GPR142: variants seen among roughly 807,000 people sequenced by gnomAD.
The protein encoded by GPR142 is G-protein coupled receptor 142 long form.
In GPR142, 9 loss-of-function variants were observed where a neutral mutation model predicts 10.6. The ratio of observed to expected loss-of-function variants is 0.85; its 90% confidence interval spans 0.51 to 1.48. The LOEUF is 1.48. Among genes scored for constraint, GPR142 ranks in the 40% most tolerant of loss-of-function variants. GPR142 has a pLI of 0.00. For missense variants in GPR142, 482 were observed against 506.0 expected (o/e 0.95, Z 0.45); for synonymous variants, 202 against 221.2 (o/e 0.91, Z 0.77).
chr17:74,372,301 A>T lies in GPR142; in HGVS notation c.826A>T (p.Thr276Ser). 3.7e-6 allele frequency: 6 copies of T among 1,613,866 alleles called. No individual in the cohort carries two copies. Among genetic ancestry groups the T allele is most frequent in the Non-Finnish European group, 5.1e-6 (6 of 1,179,810 alleles). The part of the protein sequence containing the change: ...KSTAILLGIT[T>S]LFTLLWAPRV... ...CACAGCCATCCTCCTGGGCATCACC[A>T]CACTGTTCACCCTCCTGTGGGCGCC... The change falls in exon 4 of 4, where the codon ACA becomes TCA. Residue 276 changes from threonine (T) to serine (S), a missense_variant. Physicochemically the swap from Thr to Ser is moderately conservative, Grantham distance 58 (BLOSUM62 1). Transcript: ENST00000582579.
rs1598410226 is a variant in GPR142 at position 74,370,535 on chromosome 17, G to A, written c.109G>A (p.Val37Met). ...GCACCTTCTAGCTGGCCAGCCACGA[G>A]TGACCCTGCTGCCCACGCCCCACGT... is the stretch of plus-strand genomic sequence containing the variant. ...EGRETAGQPR[V>M]TLLPTPHVSG... The change falls in exon 3 of 4, where the codon GTG becomes ATG. Residue 37 changes from valine to methionine, a missense_variant. Val to Met is a conservative substitution (Grantham distance 21). Coordinates refer to ENST00000582579, the MANE Select transcript of GPR142 (RefSeq NM_001331076.1). 1 of 1,611,862 alleles carries A rather than the reference G, an allele frequency of 6.2e-7. No homozygotes were observed. Among genetic ancestry groups the A allele is most frequent in the Non-Finnish European group, 8.5e-7 (1 of 1,178,802 alleles).
chr17:74,369,290 AC>A (rs2055005251), intron 1 of GPR142, among the ~76,000 whole-genome samples, 177 bp from the exon 2 acceptor site: 3 of 150,944 alleles, frequency 2.0e-5, no homozygotes, highest in Non-Finnish European at 4.4e-5. Flanking sequence ...ACCCCATGCC[AC>A]CCTCAGCTCG....
In GPR142 at chr17:74,369,968, G is replaced by C. The variant is rs138607603; in HGVS notation, c.94+334G>C. 5.2e-4 allele frequency among the ~76,000 whole-genome samples: 79 copies of C among 152,286 alleles called. No homozygotes were observed. In the East Asian group the frequency reaches 0.012, roughly 24 times the overall value. On this transcript the variant is annotated intron_variant, in intron 2 of 3. Coordinates refer to ENST00000582579, the MANE Select transcript of GPR142 (RefSeq NM_001331076.1). ...AAGAGGGTATCTTTAGTTTAGAAAA[G>C]AGGGGGCCCTACCAACAGCCTCTCC... is the stretch of plus-strand genomic sequence containing the variant.
chr17:74,368,014 C>T (rs1175468930), intron 1 of GPR142, among the ~76,000 whole-genome samples: 2 of 152,194 alleles, frequency 1.3e-5, no homozygotes, highest in Non-Finnish European at 2.9e-5. Flanking sequence ...GGCATGGTGA[C>T]TCACACCTGT....
chr17:74,372,596 T>G lies in GPR142; in HGVS notation c.1121T>G (p.Val374Gly), dbSNP rs766510625. ...EPPGLPTGAE[V>G] ...CCGGGACTCCCCACAGGGGCAGAAG[T>G]GTAGAGGAGGGGGCCCAGCTAGGGA... Residue 374 changes from valine (V) to glycine (G), a missense_variant, in exon 4 of 4, where the codon GTG (valine) becomes GGG (glycine). Coordinates refer to ENST00000582579, the MANE Select transcript of GPR142 (RefSeq NM_001331076.1). 36 of 1,600,430 alleles carry G rather than the reference T, an allele frequency of 2.2e-5. No homozygotes were observed. Among genetic ancestry groups the G allele is most frequent in the East Asian group, 1.3e-4 (6 of 44,804 alleles).
At position 74,372,157 on chromosome 17, in the gene GPR142, G is replaced by GCTCACTGT. The variant is rs763622234; in HGVS notation, c.693_700dup (p.Tyr234SerfsTer132). 1.2e-6 allele frequency: 2 copies of GCTCACTGT among 1,614,140 alleles called. No homozygotes were observed. The highest frequency in any genetic ancestry group is 1.7e-5 in the Admixed American group (1 of 60,022). ...AACACTGGACGAGGTCCTCAAGTGGGCTCACTGTCTCACTGTCTATTTCAT... is the reference window on the plus strand; with the variant it reads ...AACACTGGACGAGGTCCTCAAGTGGGCTCACTGTCTCACTGTCTCACTGTCTATTTCAT... On this transcript the variant is annotated frameshift_variant, in exon 4 of 4. Coordinates refer to ENST00000582579, the MANE Select transcript of GPR142 (RefSeq NM_001331076.1). LOFTEE classifies it low-confidence loss of function (END_TRUNC).
At chr17:74,370,413 T>C (rs2055014388) in intron 2 of GPR142, 108 bp from the exon 3 acceptor site, 6 of 1,194,650 alleles carry the variant, frequency 5.0e-6, no homozygotes, top group Non-Finnish European at 5.8e-6. Flanking sequence ...GACTAGAGGG[T>C]CTGCACAGAG....
rs201590290 is a variant in GPR142, at chr17:74,370,711, G to C, written c.253+32G>C. On this transcript the variant is annotated intron_variant, in intron 3 of 3. Coordinates refer to ENST00000582579, the MANE Select transcript of GPR142 (RefSeq NM_001331076.1). ...GGGGAGCTGGGGTCTGGGGACTTGG[G>C]CTTGGCCAGAAATGGGGATCCTCCT... is the stretch of plus-strand genomic sequence containing the variant. 716 of 1,589,998 alleles carry C rather than the reference G, an allele frequency of 4.5e-4. 2 individuals are homozygous for C. The highest frequency in any genetic ancestry group is 3.2e-3 in the South Asian group (279 of 88,260).
chr17:74,370,486 CAG>C, intron 2 of GPR142, 33 bp from the exon 3 acceptor site: 1 of 1,579,146 alleles, frequency 6.3e-7, no homozygotes, highest in Non-Finnish European at 8.6e-7. Flanking sequence ...AGAAATAGAC[CAG>C]AGGCTCTGAC....
chr17:74,370,227 G>T (rs1007725171), intron 2 of GPR142, among the ~76,000 whole-genome samples: 1 of 152,214 alleles, frequency 6.6e-6, no homozygotes, highest in South Asian at 2.1e-4. Context: ...CCGGGTGAGG[G>T]CCCATGGGGA....
At chr17:74,367,842 G>A (rs756269197) in intron 1 of GPR142, 48 bp downstream of exon 1, 12 of 1,493,824 alleles carry the variant, frequency 8.0e-6, no homozygotes, top group Non-Finnish European at 9.9e-6. Context: ...AGCAAACTCA[G>A]TCCCCCTCCT....
chr17:74,372,203 T>G lies in GPR142; in HGVS notation c.728T>G (p.Val243Gly). The G allele has an allele frequency of 6.2e-7, 1 of 1,614,050 alleles. No homozygotes were observed. The highest frequency in any genetic ancestry group is 8.5e-7 in the Non-Finnish European group (1 of 1,179,922). Reference sequence around the variant, plus strand: ...TTCATCCCTTGTGGCGTGTTCCTGGTCACCAACTCGGCCATCATCCACCGG... The same window carrying G: ...TTCATCCCTTGTGGCGTGTTCCTGGGCACCAACTCGGCCATCATCCACCGG... Reference protein sequence around the residue: ...VYFIPCGVFLVTNSAIIHRLR... With the variant: ...VYFIPCGVFLGTNSAIIHRLR... The change falls in exon 4 of 4, where the codon GTC (valine) becomes GGC (glycine). Residue 243 changes from valine (V) to glycine (G), a missense_variant. By Grantham distance (109) the Val-to-Gly change is moderately radical. Coordinates refer to ENST00000582579, the MANE Select transcript of GPR142 (RefSeq NM_001331076.1).
intron 2 of GPR142, 48 bp from the exon 3 acceptor site, chr17:74,370,473 G>A (rs1311747306): frequency 1.3e-6 from 2 of 1,564,716 alleles, no homozygotes; most frequent in Non-Finnish European, 1.7e-6. Context: ...GCCCAGCCAG[G>A]TTAGAAATAG....
Position 74,370,770 on chromosome 17 carries a change from G to A in GPR142, c.253+91G>A. ...TGCCAGTCCTCTGTGTTTGACCCCT[G>A]AGGCCCTGGATCATAGACCCCTGGT... On this transcript the variant is annotated intron_variant, in intron 3 of 3. Coordinates refer to ENST00000582579, the MANE Select transcript of GPR142 (RefSeq NM_001331076.1). 4 of 1,276,350 alleles carry A rather than the reference G, an allele frequency of 3.1e-6. No homozygotes were observed. The South Asian group carries it at 4.3e-5, about 14-fold the overall frequency. The allele number at this position is 1,276,350 out of a possible 1,614,324, so 79.1% of individuals were successfully genotyped here.
In GPR142 at chr17:74,369,610, A is replaced by G. The variant is rs1240938703; in HGVS notation, c.70A>G (p.Met24Val). 1.4e-5 allele frequency: 21 copies of G among 1,550,216 alleles called. No individual in the cohort carries two copies. Among genetic ancestry groups the G allele is most frequent in the Non-Finnish European group, 1.7e-5 (20 of 1,146,568 alleles). Residue 24 changes from methionine to valine, a missense_variant, in exon 2 of 4, where the codon ATG becomes GTG. Met to Val is a conservative substitution (Grantham distance 21). Coordinates refer to ENST00000582579, the MANE Select transcript of GPR142 (RefSeq NM_001331076.1). ...GACCCAGGACTCAGGGCCCCAGAGCATGGGGCTTGAGGGACGAGAGACAGG... is the reference window on the plus strand; with the variant it reads ...GACCCAGGACTCAGGGCCCCAGAGCGTGGGGCTTGAGGGACGAGAGACAGG... The part of the protein sequence containing the change: ...QVTQDSGPQS[M>V]GLEGRETAGQ...
intron 1 of GPR142, among the ~76,000 whole-genome samples, 167 bp from the exon 2 acceptor site, chr17:74,369,301 G>A (rs117982488): frequency 0.02 from 3,112 of 151,942 alleles, 36 homozygotes; most frequent in Non-Finnish European, 0.031. Flanking sequence ...CCCTCAGCTC[G>A]TCTCTCCTGA....
Position 74,368,635 on chromosome 17 carries a change from G to A in GPR142, c.-73-833G>A, listed in dbSNP as rs150606111. 2.6e-3 allele frequency among the ~76,000 whole-genome samples: 395 copies of A among 152,292 alleles called. 5 individuals are homozygous for A. The highest frequency in any genetic ancestry group is 8.8e-3 in the African/African-American group (364 of 41,572). The stretch of plus-strand genomic sequence containing the variant: ...GGGCCTGAGCTCTCCTCCCGAGACC[G>A]TCCACGGGGCATCCATGTCCCGGGT... On this transcript the variant is annotated intron_variant, in intron 1 of 3. Transcript: ENST00000582579.
At position 74,372,587 on chromosome 17, in the gene GPR142, G is replaced by C; in HGVS notation, c.1112G>C (p.Gly371Ala). 6.2e-7 allele frequency: 1 copy of C among 1,604,402 alleles called. No individual in the cohort carries two copies. The highest frequency in any genetic ancestry group is 8.5e-7 in the Non-Finnish European group (1 of 1,179,248). ...ATGGAGCCTCCGGGACTCCCCACAG[G>C]GGCAGAAGTGTAGAGGAGGGGGCCC... The part of the protein sequence containing the change: ...PVMEPPGLPT[G>A]AEV Residue 371 changes from glycine to alanine, a missense_variant, in exon 4 of 4, where the codon GGG (glycine) becomes GCG (alanine). Gly to Ala is a moderately conservative substitution (Grantham distance 60). Transcript: ENST00000582579.
chr17:74,370,829 C>T, intron 3 of GPR142, 150 bp downstream of exon 3: 1 of 789,518 alleles, frequency 1.3e-6, no homozygotes, highest in Non-Finnish European at 1.9e-6. Context: ...TTCTGGGTCA[C>T]TGGAGGGGAA....
Sources: gnomAD v4.1 joint callset for allele counts (sites outside exome capture counted in the v4.1 genomes callset) on GRCh38, gnomAD v4.1.1 for gene constraint, MANE v1.5 for transcripts, NCBI Gene and HGNC (gene_info 2026-07-23, HGNC 2026-07-21) for gene names.